The following RIMS2 variants were observed in gnomAD, a reference collection of about 807,000 sequenced individuals.
The protein encoded by RIMS2 is regulating synaptic membrane exocytosis 2.
RIMS2 carries 59 observed loss-of-function variants against 174.4 expected under a neutral mutation model. The ratio of observed to expected loss-of-function variants is 0.34; its 90% CI spans 0.27 to 0.42. The LOEUF (loss-of-function observed/expected upper bound fraction) is 0.42, where lower values mean the gene tolerates loss of function less well. Ranked by LOEUF, RIMS2 falls within the 10% of genes least tolerant of loss-of-function variation. The pLI, the probability that RIMS2 is intolerant of heterozygous loss-of-function variation, is 1.00. For missense variants in RIMS2, 1,620 were observed against 1,666.3 expected (o/e 0.97, Z 0.48); for synonymous variants, 606 against 572.5 (o/e 1.06, Z -0.84).
chr8:103,534,225 TA>T (rs1838751013), intron 1 of RIMS2, among the ~76,000 whole-genome samples: 1 of 152,228 alleles, frequency 6.6e-6, no homozygotes, highest in Non-Finnish European at 1.5e-5. Context: ...TTATCACAAA[TA>T]ATTTCAAGCT....
At chr8:103,785,517 A>G (rs1434482616) in intron 3 of RIMS2, among the ~76,000 whole-genome samples, 2 of 152,212 alleles carry the variant, frequency 1.3e-5, no homozygotes, top group East Asian at 1.9e-4. Flanking sequence ...TTCTGCATCT[A>G]TTGAGATAAT....
At chr8:103,766,203 T>C in intron 2 of RIMS2, 24 bp from the exon 6 acceptor site, 4 of 1,522,874 alleles carry the variant, frequency 2.6e-6, no homozygotes, top group Non-Finnish European at 3.5e-6. Flanking sequence ...CACTAATTTT[T>C]TCCCCCTATG....
At chr8:104,194,631 C>T (rs969011877) in intron 19 of RIMS2, among the ~76,000 whole-genome samples, 2 of 151,996 alleles carry the variant, frequency 1.3e-5, no homozygotes, top group Non-Finnish European at 2.9e-5. Context: ...AAGTGTCTGA[C>T]CCAGAGTGGG....
intron 4 of RIMS2, among the ~76,000 whole-genome samples, chr8:103,905,255 T>G (rs2074125906): frequency 6.6e-6 from 1 of 152,088 alleles, no homozygotes; most frequent in South Asian, 2.1e-4. Context: ...AGAACTTCCT[T>G]TAGTTATTTT....
At chr8:104,048,035 G>A (rs1448195522) in intron 19 of RIMS2, among the ~76,000 whole-genome samples, 2 of 151,888 alleles carry the variant, frequency 1.3e-5, no homozygotes, top group African/African-American at 4.8e-5. Flanking sequence ...ATTTATTTCT[G>A]TGAAAAAAGA....
At chr8:103,910,406 G>GACAA (rs1392078840) in intron 5 of RIMS2, 2 of 1,597,072 alleles carry the variant, frequency 1.3e-6, no homozygotes, top group East Asian at 4.5e-5. Context: ...AAAAGGAAAT[G>GACAA]ATGTACTTTG....
intron 1 of RIMS2, among the ~76,000 whole-genome samples, chr8:103,633,095 C>T (rs112157422): frequency 0.27 from 40,294 of 149,616 alleles, 6,177 homozygotes; most frequent in East Asian, 0.61. Flanking sequence ...GGTGCAATCT[C>T]GGCTCACTGC....
intron 3 of RIMS2, among the ~76,000 whole-genome samples, chr8:103,821,899 T>C (rs927141431): frequency 1.3e-5 from 2 of 151,618 alleles, no homozygotes; most frequent in African/African-American, 4.8e-5. Context: ...ATTTTTTTTC[T>C]GAATAATGGA....
At chr8:104,229,709 C>T (rs568566351) in intron 19 of RIMS2, among the ~76,000 whole-genome samples, 210 of 152,274 alleles carry the variant, frequency 1.4e-3, no homozygotes, top group Non-Finnish European at 2.2e-3. Context: ...CCAATGGCAT[C>T]CAAGTTCACC....
intron 2 of RIMS2, among the ~76,000 whole-genome samples, chr8:103,734,545 A>G (rs552591039): frequency 6.6e-6 from 1 of 151,432 alleles, no homozygotes; most frequent in African/African-American, 2.4e-5. Context: ...CAGGTGAAAT[A>G]GTAGACACCC....
At position 104,169,331 on chromosome 8, in the gene RIMS2, TATATATATAA is replaced by T. The variant is rs1355824588; in HGVS notation, c.3335-75583_3335-75574del. Among the ~76,000 whole-genome samples the T allele has an allele frequency of 4.5e-3, 182 of 40,280 alleles. 2 individuals are homozygous for T. The highest frequency in any genetic ancestry group is 0.018 in the Middle Eastern group (2 of 110). The allele number at this position is 40,280 out of a possible 152,430, so 26.4% of individuals were successfully genotyped here. ...ATATATATATATATATATATATATATATATATATAAAACAGATTCAATCTCATTACTTGTT... is the reference window on the plus strand; with the variant it reads ...ATATATATATATATATATATATATATAACAGATTCAATCTCATTACTTGTT... On this transcript the variant is annotated intron_variant, in intron 19 of 23. Coordinates refer to ENST00000504942, the Ensembl canonical transcript of RIMS2.
At chr8:104,151,248 G>T (rs2098687248) in intron 19 of RIMS2, among the ~76,000 whole-genome samples, 1 of 152,228 alleles carries the variant, frequency 6.6e-6, no homozygotes, top group African/African-American at 2.4e-5. Flanking sequence ...TGAGTGGATG[G>T]TAGTGCCATT....
chr8:104,133,015 T>G (rs1321611669), intron 19 of RIMS2, among the ~76,000 whole-genome samples: 2 of 152,192 alleles, frequency 1.3e-5, no homozygotes, highest in Admixed American at 1.3e-4. Flanking sequence ...TGCTCTAAGC[T>G]AAGGGGAATT....
intron 3 of RIMS2, among the ~76,000 whole-genome samples, chr8:103,782,579 T>C (rs186553858): frequency 4.5e-4 from 68 of 152,242 alleles, no homozygotes; most frequent in African/African-American, 1.2e-3. Flanking sequence ...CATTGCGATA[T>C]GACCCACTAG....
chr8:103,633,571 TC>T (rs910109107), intron 1 of RIMS2, among the ~76,000 whole-genome samples: 23 of 152,252 alleles, frequency 1.5e-4, no homozygotes, highest in African/African-American at 5.1e-4. Context: ...GGAGGTGTCT[TC>T]CCCCCTCAGT....
chr8:103,983,735 A>G (rs1215262731), intron 16 of RIMS2, among the ~76,000 whole-genome samples: 1 of 152,204 alleles, frequency 6.6e-6, no homozygotes, highest in African/African-American at 2.4e-5. Flanking sequence ...CTTGCCATAT[A>G]CAAAAATCAA....
Position 104,248,959 on chromosome 8 carries a change from C to T in RIMS2, c.3589+146C>T, listed in dbSNP as rs1309821637. The T allele has an allele frequency of 3.0e-5, 16 of 542,124 alleles. No individual in the cohort carries two copies. The African/African-American group carries it at 4.2e-4, about 14-fold the overall frequency. 33.6% of individuals were successfully genotyped at this position (542,124 alleles called of 1,614,324 possible). ...TTTTTTTTTTTTTAAGACAGAGTTT[C>T]ACTCTGTTGCCCAGGCTGAAGTGCA... On this transcript the variant is annotated intron_variant, in intron 21 of 23. Coordinates refer to ENST00000504942, the Ensembl canonical transcript of RIMS2.
At chr8:104,080,814 C>T (rs927277684) in intron 19 of RIMS2, among the ~76,000 whole-genome samples, 2 of 151,852 alleles carry the variant, frequency 1.3e-5, no homozygotes, top group African/African-American at 4.8e-5. Context: ...TTTTATTAAA[C>T]ATTTGGAAAT....
intron 19 of RIMS2, among the ~76,000 whole-genome samples, chr8:104,024,749 G>A (rs1413396967): frequency 6.6e-6 from 1 of 152,152 alleles, no homozygotes; most frequent in Admixed American, 6.5e-5. Flanking sequence ...ACTCTATAAT[G>A]TGTAACTTAT....
Sources: gnomAD v4.1 joint callset for allele counts (sites outside exome capture counted in the v4.1 genomes callset) on GRCh38, gnomAD v4.1.1 for gene constraint, MANE v1.5 for transcripts, NCBI Gene and HGNC (gene_info 2026-07-23, HGNC 2026-07-21) for gene names.